ANKRD17: variants seen among roughly 807,000 people sequenced by gnomAD.
The protein encoded by ANKRD17 is ankyrin repeat domain 17.
A neutral mutation model predicts 229.7 loss-of-function variants in ANKRD17; 19 were observed. The observed-to-expected ratio is 0.08, with a 90% confidence interval of 0.06 to 0.12. ANKRD17 has a LOEUF of 0.12. ANKRD17 is among the 10% of genes least tolerant of loss of function. The pLI is 1.00. For missense variants in ANKRD17, 2,176 were observed against 3,176.8 expected (o/e 0.68, Z 7.57); for synonymous variants, 1,112 against 1,146.1 (o/e 0.97, Z 0.60).
intron 21 of ANKRD17, among the ~76,000 whole-genome samples, 199 bp downstream of exon 21, chr4:73,119,963 G>T (rs1027315219): frequency 2.6e-5 from 4 of 152,162 alleles, no homozygotes; most frequent in African/African-American, 9.7e-5. Flanking sequence ...AACATTTTTA[G>T]GTTACACAGA....
At position 73,204,585 on chromosome 4, in the gene ANKRD17, CAA is replaced by C. The variant is rs1222602054; in HGVS notation, c.394-27054_394-27053del. 3.3e-5 allele frequency among the ~76,000 whole-genome samples: 5 copies of C among 151,764 alleles called. No homozygotes were observed. In the East Asian group the frequency reaches 9.6e-4, roughly 29 times the overall value. The stretch of plus-strand genomic sequence containing the variant: ...GATACCTAATAAAACTGGATCCACC[CAA>C]AGTAATAAAGAGCACTAGAAATGGC... On this transcript the variant is annotated intron_variant, in intron 1 of 33. Coordinates refer to ENST00000358602, the MANE Select transcript of ANKRD17 (RefSeq NM_032217.5).
intron 1 of ANKRD17, among the ~76,000 whole-genome samples, chr4:73,185,116 G>T (rs546829028): frequency 6.6e-6 from 1 of 151,632 alleles, no homozygotes; most frequent in Non-Finnish European, 1.5e-5. Flanking sequence ...GCTGGCAACC[G>T]CAAAATTTAG....
Position 73,091,393 on chromosome 4 carries a change from C to A in ANKRD17, c.6235G>T (p.Ala2079Ser). The A allele has an allele frequency of 1.2e-6, 2 of 1,614,162 alleles. No homozygotes were observed. The highest frequency in any genetic ancestry group is 1.7e-6 in the Non-Finnish European group (2 of 1,180,038). Residue 2079 changes from alanine to serine, a missense_variant, in exon 29 of 34, where the codon GCA (alanine) becomes TCA (serine). By Grantham distance (99) the Ala-to-Ser change is moderately conservative. This residue lies in a region of ANKRD17 where 424 missense variants were observed against 454.0 expected (regional missense o/e 0.93). Transcript: ENST00000358602. Reference protein sequence around the residue: ...NKVASSSEQEAGSPPVVETTN... With the variant: ...NKVASSSEQESGSPPVVETTN... ...GTTTCTACTACTGGTGGACTACCTG[C>A]TTCCTGTTCGGAGGAAGATGCCACT... is the stretch of plus-strand genomic sequence containing the variant.
intron 1 of ANKRD17, among the ~76,000 whole-genome samples, chr4:73,256,047 G>A (rs575872280): frequency 1.3e-5 from 2 of 152,168 alleles, no homozygotes; most frequent in Admixed American, 6.5e-5. Context: ...TTTCTTACAC[G>A]TATTTCTCCT....
chr4:73,136,183 T>C (rs1728872503), intron 15 of ANKRD17, among the ~76,000 whole-genome samples: 1 of 152,202 alleles, frequency 6.6e-6, no homozygotes, highest in South Asian at 2.1e-4. Context: ...AGTTGATAGG[T>C]GAACATCATC....
At chr4:73,094,508 C>T (rs1723090879) in intron 27 of ANKRD17, among the ~76,000 whole-genome samples, 1 of 152,156 alleles carries the variant, frequency 6.6e-6, no homozygotes, top group Middle Eastern at 3.4e-3. Flanking sequence ...ACTATGTAGA[C>T]ACGTGCTGTG....
chr4:73,180,721 C>T (rs532995818), intron 1 of ANKRD17, among the ~76,000 whole-genome samples: 1 of 152,230 alleles, frequency 6.6e-6, no homozygotes, highest in Non-Finnish European at 1.5e-5. Flanking sequence ...CTCCCTATCC[C>T]TCATTTATGA....
At chr4:73,256,631 T>C (rs2149294511) in intron 1 of ANKRD17, among the ~76,000 whole-genome samples, 1 of 152,342 alleles carries the variant, frequency 6.6e-6, no homozygotes, top group African/African-American at 2.4e-5. Context: ...AAGGGCTGAA[T>C]TACCTGTAAA....
chr4:73,206,720 G>T (rs1306801577), intron 1 of ANKRD17, among the ~76,000 whole-genome samples: 1 of 152,190 alleles, frequency 6.6e-6, no homozygotes, highest in Non-Finnish European at 1.5e-5. Context: ...TCAAAGGACA[G>T]AAATTTTCAG....
intron 1 of ANKRD17, among the ~76,000 whole-genome samples, chr4:73,191,867 T>C (rs1358508647): frequency 1.3e-5 from 2 of 152,094 alleles, no homozygotes; most frequent in African/African-American, 4.8e-5. Context: ...AATACAATTT[T>C]CTTTCTAGAA....
intron 30 of ANKRD17, 69 bp downstream of exon 30, chr4:73,085,180 G>C: frequency 6.7e-7 from 1 of 1,495,796 alleles, no homozygotes; most frequent in Non-Finnish European, 9.2e-7. Flanking sequence ...ATTATGATGA[G>C]GTTTGAAACC....
chr4:73,250,537 T>C (rs919356255), intron 1 of ANKRD17, among the ~76,000 whole-genome samples: 9 of 117,228 alleles, frequency 7.7e-5, no homozygotes, highest in South Asian at 3.0e-4. Context: ...GAGGTGGAGG[T>C]TGCAGTGAGC....
At chr4:73,183,454 T>A (rs919828374) in intron 1 of ANKRD17, among the ~76,000 whole-genome samples, 3 of 151,992 alleles carry the variant, frequency 2.0e-5, no homozygotes, top group African/African-American at 7.2e-5. Context: ...GGTTTTTTTG[T>A]TTTGTTTTGT....
intron 1 of ANKRD17, among the ~76,000 whole-genome samples, chr4:73,196,194 T>G (rs1737860614): frequency 6.6e-6 from 1 of 151,874 alleles, no homozygotes; most frequent in African/African-American, 2.4e-5. Context: ...GAGATGGTTT[T>G]GCCATGATGG....
intron 1 of ANKRD17, among the ~76,000 whole-genome samples, chr4:73,236,053 T>C (rs559373387): frequency 6.6e-6 from 1 of 152,204 alleles, no homozygotes; most frequent in South Asian, 2.1e-4. Flanking sequence ...CTCTCTTATA[T>C]GACAGAAACC....
chr4:73,094,297 G>A (rs2110179653), intron 27 of ANKRD17, 69 bp from the exon 28 acceptor site: 1 of 1,374,858 alleles, frequency 7.3e-7, no homozygotes, highest in Non-Finnish European at 1.0e-6. Context: ...TTTAAAAGAG[G>A]AAAGAGTATT....
At chr4:73,088,904 T>TA (rs1384636163) in intron 29 of ANKRD17, among the ~76,000 whole-genome samples, 3 of 152,224 alleles carry the variant, frequency 2.0e-5, no homozygotes, top group African/African-American at 4.8e-5. Context: ...CTGTCCCAGC[T>TA]ACTCAATTCT....
At chr4:73,208,144 G>A (rs528123290) in intron 1 of ANKRD17, among the ~76,000 whole-genome samples, 18 of 149,204 alleles carry the variant, frequency 1.2e-4, no homozygotes, top group Admixed American at 4.7e-4. Flanking sequence ...AGCAGAGATC[G>A]GGCCACTGCA....
intron 1 of ANKRD17, among the ~76,000 whole-genome samples, chr4:73,202,470 T>G (rs1268068334): frequency 2.6e-5 from 4 of 151,898 alleles, no homozygotes; most frequent in African/African-American, 9.7e-5. Flanking sequence ...TGAGGAGCTG[T>G]AAACTAAACA....
Sources: gnomAD v4.1 joint callset for allele counts (sites outside exome capture counted in the v4.1 genomes callset) on GRCh38, gnomAD v4.1.1 for gene constraint, gnomAD v4.1.1 regional missense constraint, MANE v1.5 for transcripts, NCBI Gene and HGNC (gene_info 2026-07-23, HGNC 2026-07-21) for gene names.